CFAP299: variants seen among roughly 807,000 people sequenced by gnomAD.
CFAP299 encodes cilia and flagella associated protein 299, also known as cilia- and flagella-associated protein 299.
In CFAP299, 21 loss-of-function variants were observed where a neutral mutation model predicts 27.0. That is an observed-to-expected ratio of 0.78 (90% CI 0.55 to 1.12). CFAP299 has a LOEUF of 1.12. Among genes scored for constraint, CFAP299 ranks in the 50% most tolerant of loss-of-function variants. The probability of loss-of-function intolerance (pLI) is 0.00; values close to 1 mark genes in which losing one functional copy is unlikely to be tolerated. For missense variants in CFAP299, 310 were observed against 276.6 expected (o/e 1.12, Z -0.86); for synonymous variants, 104 against 98.1 (o/e 1.06, Z -0.36).
At chr4:80,394,874 G>T (rs1270270634) in intron 2 of CFAP299, among the ~76,000 whole-genome samples, 1 of 151,974 alleles carries the variant, frequency 6.6e-6, no homozygotes, top group African/African-American at 2.4e-5. Flanking sequence ...CTCCAGCTTT[G>T]CTCTTTTTGC....
At chr4:80,499,632 C>G (rs1453572135) in intron 2 of CFAP299, among the ~76,000 whole-genome samples, 1 of 151,992 alleles carries the variant, frequency 6.6e-6, no homozygotes, top group African/African-American at 2.4e-5. Context: ...TGGAAAATCT[C>G]TGATAGTTAA....
intron 2 of CFAP299, chr4:80,388,310 C>A: frequency 1.5e-6 from 1 of 688,024 alleles, no homozygotes. Flanking sequence ...CAAGTCATTG[C>A]TTACCAAGAT....
chr4:80,894,092 A>G (rs539770829), intron 4 of CFAP299, among the ~76,000 whole-genome samples: 1 of 152,130 alleles, frequency 6.6e-6, no homozygotes, highest in African/African-American at 2.4e-5. Flanking sequence ...AGACGTACAT[A>G]TGGCCTACAG....
chr4:80,956,852 A>G lies in CFAP299; in HGVS notation c.607-6665A>G, dbSNP rs1041710446. Among the ~76,000 whole-genome samples, 5 of 152,060 alleles carry G rather than the reference A, an allele frequency of 3.3e-5. 1 individual carries two copies. The South Asian group carries it at 1.0e-3, about 32-fold the overall frequency. Reference sequence around the variant, plus strand: ...AGTATTCTATGTGTAGAGGGTAGAAAACTTTTGGCTATCATATTTTTAGTG... The same window carrying G: ...AGTATTCTATGTGTAGAGGGTAGAAGACTTTTGGCTATCATATTTTTAGTG... On this transcript the variant is annotated intron_variant, in intron 5 of 5. Transcript: ENST00000358105.
intron 2 of CFAP299, among the ~76,000 whole-genome samples, chr4:80,414,509 G>A (rs1489326744): frequency 1.3e-5 from 2 of 152,226 alleles, no homozygotes; most frequent in Non-Finnish European, 2.9e-5. Flanking sequence ...TTTTAAAGTA[G>A]TTTTTCATCA....
intron 3 of CFAP299, among the ~76,000 whole-genome samples, chr4:80,817,490 G>T (rs1455950053): frequency 6.6e-6 from 1 of 151,942 alleles, no homozygotes; most frequent in Non-Finnish European, 1.5e-5. Flanking sequence ...ATACACATTA[G>T]ATTCCCTTGG....
At chr4:80,940,794 A>T (rs1417666734) in intron 4 of CFAP299, among the ~76,000 whole-genome samples, 1 of 152,186 alleles carries the variant, frequency 6.6e-6, no homozygotes, top group Non-Finnish European at 1.5e-5. Flanking sequence ...GTAAATATAT[A>T]TACAAATTAC....
At chr4:80,868,063 G>T (rs1198123059) in intron 3 of CFAP299, among the ~76,000 whole-genome samples, 3 of 151,678 alleles carry the variant, frequency 2.0e-5, no homozygotes, top group Non-Finnish European at 4.4e-5. Flanking sequence ...CAATACATCT[G>T]CCCTCATTCT....
intron 4 of CFAP299, among the ~76,000 whole-genome samples, chr4:80,934,756 C>T (rs1220934570): frequency 6.6e-6 from 1 of 152,038 alleles, no homozygotes; most frequent in African/African-American, 2.4e-5. Context: ...TCATTTCTAA[C>T]TTTCTTTGGG....
At position 80,643,680 on chromosome 4, in the gene CFAP299, CAGATGCAGGGATTGGT is replaced by C. The variant is rs1739840983; in HGVS notation, c.333+60502_333+60517del. Among the ~76,000 whole-genome samples, 3 of 152,024 alleles carry C rather than the reference CAGATGCAGGGATTGGT, an allele frequency of 2.0e-5. No homozygotes were observed. In the South Asian group the frequency reaches 6.2e-4, roughly 32 times the overall value. On this transcript the variant is annotated intron_variant, in intron 3 of 5. Coordinates refer to ENST00000358105, the MANE Select transcript of CFAP299 (RefSeq NM_152770.3). ...TAAGGGGAAGCAGTATTTATGGGCC[CAGATGCAGGGATTGGT>C]AGATTTGACCATAGGAACTTATAGA...
At chr4:80,417,737 C>A (rs575521280) in intron 2 of CFAP299, among the ~76,000 whole-genome samples, 24 of 152,108 alleles carry the variant, frequency 1.6e-4, no homozygotes, top group Admixed American at 2.6e-4. Context: ...GATTGTAATG[C>A]CCCACTATTC....
At chr4:80,440,659 G>A (rs1019845317) in intron 2 of CFAP299, among the ~76,000 whole-genome samples, 32 of 152,200 alleles carry the variant, frequency 2.1e-4, no homozygotes, top group Non-Finnish European at 4.0e-4. Context: ...CTCCTCTAAA[G>A]AATCACAACT....
chr4:80,686,390 A>T (rs139899120), intron 3 of CFAP299, among the ~76,000 whole-genome samples: 14 of 152,176 alleles, frequency 9.2e-5, no homozygotes, highest in Non-Finnish European at 2.1e-4. Context: ...ATGCTTCTCT[A>T]GATTTCTGTG....
At chr4:80,455,730 A>G (rs1729115704) in intron 2 of CFAP299, among the ~76,000 whole-genome samples, 1 of 152,170 alleles carries the variant, frequency 6.6e-6, no homozygotes. Context: ...TTTTCAAGTT[A>G]ATATTTTCAG....
At chr4:80,912,449 G>A (rs970969687) in intron 4 of CFAP299, among the ~76,000 whole-genome samples, 4 of 152,100 alleles carry the variant, frequency 2.6e-5, no homozygotes, top group Admixed American at 6.6e-5. Flanking sequence ...TGAGTCATCC[G>A]TCGAAAGAGC....
chr4:80,557,213 A>G (rs1231223451), intron 2 of CFAP299, among the ~76,000 whole-genome samples: 1 of 152,058 alleles, frequency 6.6e-6, no homozygotes, highest in East Asian at 1.9e-4. Context: ...TTGTAACTCA[A>G]AATTGGCTAT....
At chr4:80,633,554 C>T (rs894648179) in intron 3 of CFAP299, among the ~76,000 whole-genome samples, 1 of 152,098 alleles carries the variant, frequency 6.6e-6, no homozygotes, top group African/African-American at 2.4e-5. Flanking sequence ...TTATGTCTTG[C>T]TATAATTTGC....
chr4:80,673,099 A>G lies in CFAP299; in HGVS notation c.333+89916A>G, dbSNP rs1741595447. ...CTTCTCTAGTTCTTTTAATTGTGAT[A>G]TTAGGGTGTCGATTTTAGATCTTTC... On this transcript the variant is annotated intron_variant, in intron 3 of 5. Coordinates refer to ENST00000358105, the MANE Select transcript of CFAP299 (RefSeq NM_152770.3). Among the ~76,000 whole-genome samples, 4 of 151,926 alleles carry G rather than the reference A, an allele frequency of 2.6e-5. No homozygotes were observed. In the South Asian group the frequency reaches 8.3e-4, roughly 32 times the overall value.
chr4:80,543,742 A>C (rs1734106905), intron 2 of CFAP299, among the ~76,000 whole-genome samples: 1 of 152,376 alleles, frequency 6.6e-6, no homozygotes, highest in South Asian at 2.1e-4. Context: ...AGAAAAGGAG[A>C]GAGCAAGTAA....
Sources: gnomAD v4.1 joint callset for allele counts (sites outside exome capture counted in the v4.1 genomes callset) on GRCh38, gnomAD v4.1.1 for gene constraint, MANE v1.5 for transcripts, NCBI Gene and HGNC (gene_info 2026-07-23, HGNC 2026-07-21) for gene names.